The following ARL3 variants were observed in gnomAD, a reference collection of about 807,000 sequenced individuals.
ARL3 encodes ARF like GTPase 3, also known as ADP-ribosylation factor-like protein 3.
ARL3 carries 9 observed loss-of-function variants against 26.0 expected under a neutral mutation model. That is an observed-to-expected ratio of 0.35 (90% CI 0.21 to 0.60). The LOEUF is 0.60. Ranked by LOEUF, ARL3 falls within the 20% of genes least tolerant of loss-of-function variation. The probability of loss-of-function intolerance (pLI) is 0.78; values close to 1 mark genes in which losing one functional copy is unlikely to be tolerated. For synonymous variants in ARL3, 71 were observed against 78.4 expected (o/e 0.91, Z 0.50); for missense variants, 158 against 215.7 (o/e 0.73, Z 1.67).
chr10:102,711,074 C>A (rs1455813595), intron 1 of ARL3, among the ~76,000 whole-genome samples: 1 of 152,202 alleles, frequency 6.6e-6, no homozygotes, highest in African/African-American at 2.4e-5. Context: ...TTAAATATAA[C>A]TGACTTCCAT....
At chr10:102,682,667 CGCCCCCGTGAG>C (rs1388286932) in intron 5 of ARL3, among the ~76,000 whole-genome samples, 1 of 152,194 alleles carries the variant, frequency 6.6e-6, no homozygotes, top group Non-Finnish European at 1.5e-5. Context: ...TTCCTTAACT[CGCCCCCGTGAG>C]GCTACCTATT....
chr10:102,705,303 T>A, intron 2 of ARL3, 43 bp downstream of exon 2: 1 of 1,513,508 alleles, frequency 6.6e-7, no homozygotes, highest in Non-Finnish European at 8.9e-7. Context: ...GCTATTATCG[T>A]CTTCCTGTGT....
intron 1 of ARL3, among the ~76,000 whole-genome samples, chr10:102,709,844 C>A (rs2064329273): frequency 6.6e-6 from 1 of 151,784 alleles, no homozygotes. Flanking sequence ...ACCAACCTGG[C>A]CAACATGGTG....
chr10:102,708,909 T>TATATATATATA (rs561344200), intron 1 of ARL3, among the ~76,000 whole-genome samples: 37 of 80,398 alleles, frequency 4.6e-4, no homozygotes, highest in South Asian at 9.3e-4. Context: ...TATATATATA[T>TATATATATATA]TTTTTTTTTT....
At chr10:102,711,400 G>C (rs992225011) in intron 1 of ARL3, among the ~76,000 whole-genome samples, 1 of 151,540 alleles carries the variant, frequency 6.6e-6, no homozygotes, top group Admixed American at 6.6e-5. Context: ...ATGTATGTGT[G>C]TGTGTGTTTT....
At position 102,676,837 on chromosome 10, in the gene ARL3, T is replaced by C; in HGVS notation, c.*57A>G. Reference sequence around the variant, plus strand: ...ATTTGGTCAGAAAGCAGCAAATTAGTGTTTTTCAGGACCGAATTCGGCTCC... The same window carrying C: ...ATTTGGTCAGAAAGCAGCAAATTAGCGTTTTTCAGGACCGAATTCGGCTCC... On this transcript the variant is annotated 3_prime_UTR_variant, in exon 6 of 6. Coordinates refer to ENST00000260746, the MANE Select transcript of ARL3 (RefSeq NM_004311.4). 1.3e-6 allele frequency: 2 copies of C among 1,561,420 alleles called. No individual in the cohort carries two copies. The highest frequency in any genetic ancestry group is 4.5e-5 in the East Asian group (2 of 44,546).
chr10:102,705,484 C>T lies in ARL3; in HGVS notation c.9G>A (p.Leu3=). ...TTTTCAACTTGCGCAAAATTGAGAG[C>T]AAGCCCTTCAACAACCACAAAGGAG... MG[L]LSILRKLKSA... Residue 3 remains leucine (L), a synonymous_variant, in exon 2 of 6, where the codon TTG becomes TTA. Coordinates refer to ENST00000260746, the MANE Select transcript of ARL3 (RefSeq NM_004311.4). The T allele has an allele frequency of 1.3e-6, 2 of 1,590,978 alleles. No homozygotes were observed. Among genetic ancestry groups the T allele is most frequent in the South Asian group, 1.1e-5 (1 of 89,772 alleles).
chr10:102,703,200 T>G (rs2064289690), intron 2 of ARL3, among the ~76,000 whole-genome samples: 1 of 148,290 alleles, frequency 6.7e-6, no homozygotes, highest in Non-Finnish European at 1.5e-5. Flanking sequence ...CAGCTCACTG[T>G]AATCTCCGCC....
Position 102,685,902 on chromosome 10 carries a change from T to C in ARL3, c.415A>G (p.Ile139Val). The change falls in exon 5 of 6, where the codon ATT becomes GTT. Residue 139 changes from isoleucine (I) to valine (V), a missense_variant. Physicochemically the swap from Ile to Val is conservative, Grantham distance 29 (BLOSUM62 3). Coordinates refer to ENST00000260746, the MANE Select transcript of ARL3 (RefSeq NM_004311.4). ...GTATGCAGGTTCAGTCCTTCTGCAA[T>C]TTCAGAGGCAGGGGCTGCTGTGAGC... ...DLLTAAPASE[I>V]AEGLNLHTIR... 1 of 1,614,180 alleles carries C rather than the reference T, an allele frequency of 6.2e-7. No individual in the cohort carries two copies. Among genetic ancestry groups the C allele is most frequent in the Non-Finnish European group, 8.5e-7 (1 of 1,180,040 alleles).
At chr10:102,686,654 G>A (rs2064188534) in intron 4 of ARL3, among the ~76,000 whole-genome samples, 1 of 150,162 alleles carries the variant, frequency 6.7e-6, no homozygotes, top group African/African-American at 2.4e-5. Context: ...TAGTAGAGAT[G>A]GGTTTTCACC....
At chr10:102,693,661 C>T (rs1037925707) in intron 3 of ARL3, among the ~76,000 whole-genome samples, 2 of 151,984 alleles carry the variant, frequency 1.3e-5, no homozygotes, top group African/African-American at 4.8e-5. Flanking sequence ...GTCTCTTTTG[C>T]AGAGCAGAAG....
chr10:102,692,119 T>C (rs1446503615), intron 3 of ARL3, among the ~76,000 whole-genome samples: 1 of 152,230 alleles, frequency 6.6e-6, no homozygotes, highest in Non-Finnish European at 1.5e-5. Flanking sequence ...TCAGATCATG[T>C]GAATGTGGAA....
chr10:102,683,180 C>A (rs1284209112), intron 5 of ARL3, among the ~76,000 whole-genome samples: 1 of 152,166 alleles, frequency 6.6e-6, no homozygotes, highest in African/African-American at 2.4e-5. Context: ...TCAGAGGCAC[C>A]ACCTTAGGGA....
chr10:102,708,993 C>T (rs2064324772), intron 1 of ARL3, among the ~76,000 whole-genome samples: 1 of 149,362 alleles, frequency 6.7e-6, no homozygotes, highest in Non-Finnish European at 1.5e-5. Flanking sequence ...CAGCTTCAGC[C>T]TCCCAGGCTC....
rs758208941 is a variant in ARL3, at chr10:102,673,977, C to T, written c.*2917G>A. 3.7e-4 allele frequency: 57 copies of T among 152,520 alleles called. No homozygotes were observed. Among genetic ancestry groups the T allele is most frequent in the Non-Finnish European group, 4.1e-4 (28 of 67,996 alleles). 9.4% of individuals were successfully genotyped at this position (152,520 alleles called of 1,614,324 possible). On this transcript the variant is annotated 3_prime_UTR_variant, in exon 6 of 6. Coordinates refer to ENST00000260746, the MANE Select transcript of ARL3 (RefSeq NM_004311.4). ...AAAGGGAAATCAAAGCAAACTCTGA[C>T]GGGAATGGAGAGACGAGTCCTGGTG...
At chr10:102,685,769 G>A (rs1404434837) in intron 5 of ARL3, 47 bp downstream of exon 5, 15 of 1,538,000 alleles carry the variant, frequency 9.8e-6, no homozygotes, top group African/African-American at 2.8e-5. Context: ...AGACCACCTC[G>A]GTTAGCTGTC....
At position 102,685,997 on chromosome 10, in the gene ARL3, A is replaced by G; in HGVS notation, c.320T>C (p.Leu107Pro). Residue 107 changes from leucine (L) to proline (P), a missense_variant, in exon 5 of 6, where the codon CTA becomes CCA. By Grantham distance (98) the Leu-to-Pro change is moderately conservative (BLOSUM62 -3). Coordinates refer to ENST00000260746, the MANE Select transcript of ARL3 (RefSeq NM_004311.4). ...TTTTTCTTCCTCCAGTAATTCCGCT[A>G]GTTCCTGGATTTTGAGAAGGGAGAG... ...RKRFEETGQE[L>P]AELLEEEKLS... The G allele has an allele frequency of 6.2e-7, 1 of 1,612,098 alleles. No homozygotes were observed. Among genetic ancestry groups the G allele is most frequent in the Non-Finnish European group, 8.5e-7 (1 of 1,178,842 alleles).
At position 102,673,946 on chromosome 10, in the gene ARL3, G is replaced by A. The variant is rs1001693971; in HGVS notation, c.*2948C>T. 6.6e-6 allele frequency: 1 copy of A among 152,572 alleles called. No individual in the cohort carries two copies. The highest frequency in any genetic ancestry group is 1.5e-5 in the Non-Finnish European group (1 of 68,056). The allele number at this position is 152,572 out of a possible 1,614,324, so 9.5% of individuals were successfully genotyped here. On this transcript the variant is annotated 3_prime_UTR_variant, in exon 6 of 6. Coordinates refer to ENST00000260746, the MANE Select transcript of ARL3 (RefSeq NM_004311.4). ...GAAGTAAGAACTGGTCCCCGAGAAG[G>A]AAAGGAAAGGGAAATCAAAGCAAAC...
chr10:102,695,288 A>C (rs2064241104), intron 3 of ARL3, among the ~76,000 whole-genome samples: 1 of 152,108 alleles, frequency 6.6e-6, no homozygotes, highest in African/African-American at 2.4e-5. Context: ...TTATTTACCT[A>C]GATCTTCTTT....
Sources: gnomAD v4.1 joint callset for allele counts (sites outside exome capture counted in the v4.1 genomes callset) on GRCh38, gnomAD v4.1.1 for gene constraint, MANE v1.5 for transcripts, NCBI Gene and HGNC (gene_info 2026-07-23, HGNC 2026-07-21) for gene names.